Variants in ANKRD30BL observed in about 807,000 individuals in gnomAD.
ANKRD30BL encodes putative ankyrin repeat domain-containing protein 30B-like.
In ANKRD30BL, 20 loss-of-function variants were observed where a neutral mutation model predicts 18.4. That is an observed-to-expected ratio of 1.09 (90% CI 0.77 to 1.58). ANKRD30BL has a LOEUF of 1.58. Among genes scored for constraint, ANKRD30BL ranks in the 40% most tolerant of loss-of-function variants. The probability of loss-of-function intolerance (pLI) is 0.00; values close to 1 mark genes in which losing one functional copy is unlikely to be tolerated. For missense variants in ANKRD30BL, 224 were observed against 268.6 expected, an observed-to-expected ratio of 0.83 and a Z score of 1.16; for synonymous variants, 72 against 100.9, an observed-to-expected ratio of 0.71 and a Z score of 1.72.
chr2:132,225,309 A>G (rs1336909371), intron 1 of ANKRD30BL, among the ~76,000 whole-genome samples: 1 of 152,030 alleles, frequency 6.6e-6, no homozygotes, highest in South Asian at 2.1e-4. Flanking sequence ...CCTATGGTGG[A>G]AAAACAAATA....
At chr2:132,168,586 A>G (rs1364882452) in intron 1 of ANKRD30BL, among the ~76,000 whole-genome samples, 1 of 152,204 alleles carries the variant, frequency 6.6e-6, no homozygotes, top group Admixed American at 6.5e-5. Flanking sequence ...ATTAGAAGGT[A>G]GGAAAAATGG....
chr2:132,239,434 T>G (rs1301496674), intron 1 of ANKRD30BL, among the ~76,000 whole-genome samples: 3 of 151,342 alleles, frequency 2.0e-5, no homozygotes, highest in Admixed American at 6.6e-5. Flanking sequence ...GAATCTTGAA[T>G]CGCTTTGAGG....
intron 1 of ANKRD30BL, among the ~76,000 whole-genome samples, chr2:132,231,107 A>G (rs1338678819): frequency 6.6e-6 from 1 of 151,798 alleles, no homozygotes; most frequent in Non-Finnish European, 1.5e-5. Context: ...GGAGTCTGCA[A>G]GTGAACATTT....
rs1268274312 is a variant in ANKRD30BL, at chr2:132,204,178, A to T, written n.442-47032T>A. On this transcript the variant is annotated intron_variant and non_coding_transcript_variant, in intron 1 of 4. Coordinates refer to the ANKRD30BL transcript ENST00000470729. ...CAAGTAAAAAATGGTCTAAGCAGAC[A>T]GAACAGAAGGAGTAAAAGGAGAGTA... Among the ~76,000 whole-genome samples the T allele has an allele frequency of 4.7e-5, 7 of 150,188 alleles. No individual in the cohort carries two copies. The East Asian group carries it at 1.4e-3, about 30-fold the overall frequency.
chr2:132,167,781 G>A (rs1435985972), intron 1 of ANKRD30BL, among the ~76,000 whole-genome samples: 3 of 152,040 alleles, frequency 2.0e-5, no homozygotes, highest in Non-Finnish European at 4.4e-5. Context: ...AATTAGAATC[G>A]ATTATATATA....
chr2:132,225,871 C>A (rs147780605), intron 1 of ANKRD30BL, among the ~76,000 whole-genome samples: 2 of 151,588 alleles, frequency 1.3e-5, no homozygotes, highest in Middle Eastern at 3.2e-3. Flanking sequence ...TCAGAAACTT[C>A]TTTGTGATAG....
At chr2:132,202,962 T>G (rs1206386932) in intron 1 of ANKRD30BL, among the ~76,000 whole-genome samples, 1 of 152,218 alleles carries the variant, frequency 6.6e-6, no homozygotes, top group Non-Finnish European at 1.5e-5. Flanking sequence ...GAGCCTCACA[T>G]GCAAAGCAGA....
At chr2:132,200,074 T>C (rs1166438176) in intron 1 of ANKRD30BL, among the ~76,000 whole-genome samples, 1 of 152,158 alleles carries the variant, frequency 6.6e-6, no homozygotes, top group East Asian at 1.9e-4. Context: ...CGTGAAAAGG[T>C]CTTTGACAAA....
chr2:132,196,616 T>C (rs2104742880), intron 1 of ANKRD30BL, among the ~76,000 whole-genome samples: 1 of 152,182 alleles, frequency 6.6e-6, no homozygotes, highest in East Asian at 1.9e-4. Context: ...TGAAACCCTG[T>C]CTCTACTAAA....
intron 1 of ANKRD30BL, among the ~76,000 whole-genome samples, chr2:132,210,849 C>A (rs963796318): frequency 1.5e-5 from 2 of 136,958 alleles, no homozygotes; most frequent in Admixed American, 7.4e-5. Flanking sequence ...ATATTTGGAG[C>A]CCTTTGGGGC....
intron 1 of ANKRD30BL, among the ~76,000 whole-genome samples, chr2:132,170,197 T>C (rs1558918444): frequency 6.6e-6 from 1 of 152,198 alleles, no homozygotes; most frequent in South Asian, 2.1e-4. Flanking sequence ...TAGGACAACA[T>C]ATTATTATTG....
intron 4 of ANKRD30BL, among the ~76,000 whole-genome samples, chr2:132,153,157 A>C (rs7606716): frequency 0.29 from 43,956 of 151,922 alleles, 10,058 homozygotes; most frequent in African/African-American, 0.61. Flanking sequence ...TTCTGCCCCC[A>C]CCGCCAATCC....
intron 1 of ANKRD30BL, among the ~76,000 whole-genome samples, chr2:132,210,164 G>A (rs1679306524): frequency 1.3e-5 from 2 of 151,754 alleles, no homozygotes; most frequent in Non-Finnish European, 2.9e-5. Flanking sequence ...GATATTTGGA[G>A]CGCTTTGCGG....
chr2:132,165,367 C>T (rs1195097610), upstream of ANKRD30BL, among the ~76,000 whole-genome samples: 3 of 151,128 alleles, frequency 2.0e-5, no homozygotes, highest in African/African-American at 7.3e-5. Context: ...TTGGTGTGGA[C>T]ATAGTTTTCA....
At chr2:132,256,512 G>C (rs1319928802) in intron 1 of ANKRD30BL, among the ~76,000 whole-genome samples, 2 of 152,246 alleles carry the variant, frequency 1.3e-5, no homozygotes, top group Non-Finnish European at 2.9e-5. Flanking sequence ...GGCAGCGAAG[G>C]AGAGGCGGAC....
intron 1 of ANKRD30BL, among the ~76,000 whole-genome samples, chr2:132,181,839 C>T (rs548485402): frequency 6.6e-6 from 1 of 152,162 alleles, no homozygotes; most frequent in Non-Finnish European, 1.5e-5. Context: ...AGGCTGGGGG[C>T]GGTGGCTCAC....
At chr2:132,170,953 G>C (rs1167336724) in intron 1 of ANKRD30BL, among the ~76,000 whole-genome samples, 4 of 152,126 alleles carry the variant, frequency 2.6e-5, no homozygotes, top group South Asian at 2.1e-4. Flanking sequence ...TGAGGAGATC[G>C]AGACCATCCT....
chr2:132,255,096 A>T (rs1680791420), intron 1 of ANKRD30BL, among the ~76,000 whole-genome samples: 1 of 152,246 alleles, frequency 6.6e-6, no homozygotes, highest in Non-Finnish European at 1.5e-5. Context: ...GGTCATGGGA[A>T]TAACACCGCC....
At chr2:132,247,498 G>A (rs1680536157) in intron 1 of ANKRD30BL, among the ~76,000 whole-genome samples, 1 of 151,700 alleles carries the variant, frequency 6.6e-6, no homozygotes, top group Non-Finnish European at 1.5e-5. Context: ...TTTCCAAACA[G>A]CTCAATGAAA....
Sources: gnomAD v4.1 joint callset for allele counts (sites outside exome capture counted in the v4.1 genomes callset) on GRCh38, gnomAD v4.1.1 for gene constraint, MANE v1.5 for transcripts, NCBI Gene and HGNC (gene_info 2026-07-23, HGNC 2026-07-21) for gene names.